CHLSN: variants seen among roughly 807,000 people sequenced by gnomAD.
CHLSN encodes cholesin.
At chr7:997,734 G>A in the CHLSN span, 525 of 1,611,232 alleles carry the variant, frequency 3.3e-4, 7 homozygotes, top group South Asian at 5.3e-3. Context: ...CTTCTGCACC[G>A]TCAGCTCTCG....
chr7:992,199 T>C, the CHLSN span, among the ~76,000 whole-genome samples: 1 of 152,102 alleles, frequency 6.6e-6, no homozygotes, highest in East Asian at 1.9e-4. Flanking sequence ...CCCCCCCGCC[T>C]CTAGGTCTCC....
the CHLSN span, among the ~76,000 whole-genome samples, chr7:1,038,389 G>A: frequency 7.0e-3 from 559 of 79,714 alleles, 2 homozygotes; most frequent in Middle Eastern, 0.018. Flanking sequence ...GGGAAGTGAG[G>A]GGCCCCTCAG....
chr7:1,098,300 G>A, the CHLSN span, among the ~76,000 whole-genome samples: 1 of 152,226 alleles, frequency 6.6e-6, no homozygotes, highest in Non-Finnish European at 1.5e-5. Context: ...CCGGAAACAT[G>A]CATCCAAGCA....
chr7:983,859 G>C, the CHLSN span, among the ~76,000 whole-genome samples: 1 of 152,250 alleles, frequency 6.6e-6, no homozygotes, highest in Non-Finnish European at 1.5e-5. Flanking sequence ...GCTGAGGACA[G>C]AGGGTACGGG....
chr7:997,402 C>G, the CHLSN span: 5 of 509,282 alleles, frequency 9.8e-6, no homozygotes, highest in African/African-American at 1.0e-4. Flanking sequence ...AACCTGCCAT[C>G]ACTGTCACAG....
chr7:1,016,748 G>GCAGCACACGCCAGCGCA, the CHLSN span, among the ~76,000 whole-genome samples: 1 of 102,920 alleles, frequency 9.7e-6, no homozygotes, highest in Non-Finnish European at 1.8e-5. Context: ...CCAGCGCACA[G>GCAGCACACGCCAGCGCA]CAGCACACGC....
At chr7:1,051,239 C>A in the CHLSN span, among the ~76,000 whole-genome samples, 6 of 152,262 alleles carry the variant, frequency 3.9e-5, no homozygotes, top group Non-Finnish European at 5.9e-5. Context: ...TGTGTCCCAA[C>A]CCCGGTCCTC....
At chr7:1,135,868 T>A in the CHLSN span, among the ~76,000 whole-genome samples, 4 of 127,130 alleles carry the variant, frequency 3.1e-5, no homozygotes, top group African/African-American at 1.3e-4. Flanking sequence ...TATAAATATA[T>A]AAAAATATAT....
At chr7:1,022,609 C>T in the CHLSN span, among the ~76,000 whole-genome samples, 8 of 152,198 alleles carry the variant, frequency 5.3e-5, no homozygotes, top group South Asian at 2.1e-4. Context: ...GGACCACATT[C>T]GGATCCGGAC....
chr7:1,136,433 C>CAT, the CHLSN span, among the ~76,000 whole-genome samples: 12 of 100,038 alleles, frequency 1.2e-4, 1 homozygote, highest in African/African-American at 5.3e-4. Context: ...TATATATAAA[C>CAT]ATATATATAA....
the CHLSN span, among the ~76,000 whole-genome samples, chr7:1,068,091 T>C: frequency 6.6e-6 from 1 of 152,130 alleles, no homozygotes; most frequent in Non-Finnish European, 1.5e-5. Flanking sequence ...TAAGGTCCGC[T>C]TCTCTGTGGA....
chr7:1,132,846 A>G, the CHLSN span, among the ~76,000 whole-genome samples: 10 of 152,158 alleles, frequency 6.6e-5, no homozygotes, highest in Non-Finnish European at 1.3e-4. Flanking sequence ...TAAATGGGGA[A>G]GGGATCTGAA....
At chr7:1,000,530 G>A in the CHLSN span, 7 of 1,608,540 alleles carry the variant, frequency 4.4e-6, no homozygotes, top group Non-Finnish European at 5.9e-6. Context: ...GAAACCTCCA[G>A]TTCTTGTGCT....
the CHLSN span, among the ~76,000 whole-genome samples, chr7:1,120,575 G>A: frequency 6.6e-6 from 1 of 152,090 alleles, no homozygotes. Flanking sequence ...TTACAGGCAC[G>A]AGCCACCGTA....
the CHLSN span, among the ~76,000 whole-genome samples, chr7:1,041,739 A>G: frequency 6.6e-6 from 1 of 151,912 alleles, no homozygotes; most frequent in Non-Finnish European, 1.5e-5. Flanking sequence ...CTCTGCCAAC[A>G]CAATCACTAG....
chr7:1,130,460 A>G, the CHLSN span, among the ~76,000 whole-genome samples: 1 of 152,002 alleles, frequency 6.6e-6, no homozygotes, highest in African/African-American at 2.4e-5. Flanking sequence ...GCTGCAGCGA[A>G]GCCTCCTGCA....
chr7:1,078,244 G>A, the CHLSN span, among the ~76,000 whole-genome samples: 3 of 152,110 alleles, frequency 2.0e-5, no homozygotes, highest in Non-Finnish European at 4.4e-5. Context: ...GAGACAGTTC[G>A]CGTGGCAGAG....
At chr7:994,184 G>A in the CHLSN span, among the ~76,000 whole-genome samples, 1 of 152,118 alleles carries the variant, frequency 6.6e-6, no homozygotes, top group Non-Finnish European at 1.5e-5. Flanking sequence ...TTCAGACAGA[G>A]TCTCGCTCTG....
the CHLSN span, chr7:987,343 C>T: frequency 6.4e-7 from 1 of 1,572,614 alleles, no homozygotes; most frequent in South Asian, 1.1e-5. Flanking sequence ...ACCCTTTGCC[C>T]CAGGCCGGGT....
Sources: allele counts gnomAD v4.1 joint callset (sites outside exome capture counted in the v4.1 genomes callset), GRCh38; gene constraint gnomAD v4.1.1; transcripts MANE v1.5; gene names NCBI Gene and HGNC (gene_info 2026-07-23, HGNC 2026-07-21).